Variants in CACNG3 observed in about 807,000 individuals in gnomAD.
The protein encoded by CACNG3 is calcium voltage-gated channel auxiliary subunit gamma 3.
Under a neutral mutation model 28.5 loss-of-function variants are expected in CACNG3, and 3 were observed. The ratio of observed to expected loss-of-function variants is 0.11; its 90% CI spans 0.05 to 0.27. CACNG3 has a LOEUF of 0.27. CACNG3 is among the 10% of genes least tolerant of loss of function. CACNG3 has a pLI of 1.00. For synonymous variants in CACNG3, 174 were observed against 162.2 expected (o/e 1.07, Z -0.55); for missense variants, 236 against 414.4 (o/e 0.57, Z 3.74).
chr16:24,257,826 T>C (rs1898488785), intron 1 of CACNG3, among the ~76,000 whole-genome samples: 1 of 152,186 alleles, frequency 6.6e-6, no homozygotes, highest in Non-Finnish European at 1.5e-5. Context: ...GAAAGAGCAA[T>C]TTAAAAATAT....
intron 1 of CACNG3, among the ~76,000 whole-genome samples, chr16:24,277,685 C>T (rs751814177): frequency 6.7e-6 from 1 of 150,236 alleles, no homozygotes. Context: ...GAGGCTGAGG[C>T]AGGAGAATCG....
intron 1 of CACNG3, among the ~76,000 whole-genome samples, chr16:24,278,022 G>T (rs1401974103): frequency 1.3e-5 from 2 of 152,132 alleles, no homozygotes; most frequent in Non-Finnish European, 2.9e-5. Flanking sequence ...GCTAACTGAT[G>T]ACTTTAAACT....
chr16:24,279,919 T>A (rs1239341637), intron 1 of CACNG3, among the ~76,000 whole-genome samples: 1 of 152,158 alleles, frequency 6.6e-6, no homozygotes, highest in Non-Finnish European at 1.5e-5. Flanking sequence ...AGTGGAGGTG[T>A]TAAAAGGGCC....
At chr16:24,337,767 C>A (rs1282657566) in intron 1 of CACNG3, among the ~76,000 whole-genome samples, 2 of 151,998 alleles carry the variant, frequency 1.3e-5, no homozygotes, top group African/African-American at 4.8e-5. Flanking sequence ...AGAACCAAGT[C>A]AGTTCTTTCA....
chr16:24,337,865 A>G (rs1400328662), intron 1 of CACNG3, among the ~76,000 whole-genome samples: 1 of 141,088 alleles, frequency 7.1e-6, no homozygotes, highest in Non-Finnish European at 1.6e-5. Flanking sequence ...GTGCAACTCA[A>G]CCTCCTAGAT....
intron 1 of CACNG3, among the ~76,000 whole-genome samples, chr16:24,259,532 A>T (rs1199769469): frequency 6.6e-6 from 1 of 152,184 alleles, no homozygotes; most frequent in East Asian, 1.9e-4. Context: ...TCGTAGCTCC[A>T]TTTTCTTAGA....
intron 1 of CACNG3, among the ~76,000 whole-genome samples, 184 bp from the exon 2 acceptor site, chr16:24,346,550 C>T (rs528006373): frequency 4.3e-4 from 66 of 152,284 alleles, no homozygotes; most frequent in African/African-American, 1.6e-3. Context: ...TGCACTCCAG[C>T]CTGGGCCACA....
intron 3 of CACNG3, among the ~76,000 whole-genome samples, chr16:24,360,490 T>C (rs1040044762): frequency 6.6e-6 from 1 of 152,218 alleles, no homozygotes; most frequent in Non-Finnish European, 1.5e-5. Flanking sequence ...AAACAACAGC[T>C]GATCTGAAGC....
chr16:24,256,572 G>T lies in CACNG3; in HGVS notation c.-183G>T, dbSNP rs1433030731. On this transcript the variant is annotated 5_prime_UTR_variant, in exon 1 of 4. Coordinates refer to ENST00000005284, the MANE Select transcript of CACNG3 (RefSeq NM_006539.4). This position sits in a 1 kb window ranked among gnomAD's most constrained non-coding sequence, Gnocchi z 4.6. The stretch of plus-strand genomic sequence containing the variant: ...CTTCCGAGGGCCATAGGCGACCCAG[G>T]GAACTGGAGAGAGCTCCAGAAAGGA... 1 of 601,098 alleles carries T rather than the reference G, an allele frequency of 1.7e-6. No homozygotes were observed. Among genetic ancestry groups the T allele is most frequent in the Non-Finnish European group, 3.0e-6 (1 of 336,932 alleles). The allele number at this position is 601,098 out of a possible 1,614,324, so 37.2% of individuals were successfully genotyped here. A position where few individuals can be genotyped will look rare whatever the true frequency, so the allele number is the denominator to read the frequency against.
chr16:24,351,715 AGGAG>A (rs1462450381), intron 2 of CACNG3, among the ~76,000 whole-genome samples: 1 of 119,538 alleles, frequency 8.4e-6, no homozygotes. Context: ...AAAGAAAGAA[AGGAG>A]GGAGGGAGAG....
chr16:24,256,814 T>C lies in CACNG3; in HGVS notation c.60T>C (p.Ala20=), dbSNP rs1431873407. ...MLITTVGAFA[A]FSLMTIAVGT... is the part of the protein sequence containing the mutation. ...TCACCACTGTAGGAGCCTTTGCCGC[T>C]TTTAGTTTAATGACCATTGCAGTGG... The change falls in exon 1 of 4, where the codon GCT becomes GCC. Residue 20 remains alanine (A), a synonymous_variant. Coordinates refer to ENST00000005284, the MANE Select transcript of CACNG3 (RefSeq NM_006539.4). The surrounding 1 kb of genome is among the most constrained non-coding windows in gnomAD (Gnocchi z 4.6). 6.2e-7 allele frequency: 1 copy of C among 1,613,938 alleles called. No homozygotes were observed. Among genetic ancestry groups the C allele is most frequent in the Admixed American group, 1.7e-5 (1 of 60,028 alleles).
At chr16:24,338,152 C>T (rs962909606) in intron 1 of CACNG3, among the ~76,000 whole-genome samples, 20 of 152,180 alleles carry the variant, frequency 1.3e-4, no homozygotes, top group Middle Eastern at 3.4e-3. Context: ...AGGGTCTTTG[C>T]ATTTCCATTT....
intron 1 of CACNG3, among the ~76,000 whole-genome samples, chr16:24,277,754 TG>T (rs1197166137): frequency 7.5e-6 from 1 of 133,408 alleles, no homozygotes; most frequent in African/African-American, 2.9e-5. Context: ...CACTCCAGTC[TG>T]GGTGACAGAG....
intron 1 of CACNG3, among the ~76,000 whole-genome samples, chr16:24,326,889 C>T (rs527830791): frequency 4.4e-4 from 67 of 152,186 alleles, no homozygotes; most frequent in African/African-American, 1.5e-3. Context: ...CAGAGAAACA[C>T]GCCATGATCT....
chr16:24,280,924 T>C (rs1898818761), intron 1 of CACNG3, among the ~76,000 whole-genome samples: 1 of 151,410 alleles, frequency 6.6e-6, no homozygotes, highest in Admixed American at 6.6e-5. Flanking sequence ...TTGTATAACC[T>C]AGAATTCATT....
At chr16:24,312,919 G>GAAA (rs1220642077) in intron 1 of CACNG3, among the ~76,000 whole-genome samples, 306 of 69,398 alleles carry the variant, frequency 4.4e-3, no homozygotes, top group African/African-American at 0.016. Context: ...AAGGAAGGAA[G>GAAA]GAAGAAAGAA....
At chr16:24,322,509 G>T (rs1899478537) in intron 1 of CACNG3, among the ~76,000 whole-genome samples, 1 of 151,928 alleles carries the variant, frequency 6.6e-6, no homozygotes, top group African/African-American at 2.4e-5. Context: ...GCCAGGCAGT[G>T]CTTAGCTAAA....
intron 1 of CACNG3, among the ~76,000 whole-genome samples, chr16:24,283,750 G>T (rs1216102759): frequency 6.6e-6 from 1 of 152,164 alleles, no homozygotes; most frequent in Non-Finnish European, 1.5e-5. Flanking sequence ...CTCATGAACA[G>T]TGTTTCTCAA....
chr16:24,324,216 T>A (rs1899505002), intron 1 of CACNG3, among the ~76,000 whole-genome samples: 1 of 152,232 alleles, frequency 6.6e-6, no homozygotes, highest in African/African-American at 2.4e-5. Context: ...CAGCAAGTGG[T>A]GGATCTGGGA....
Sources: allele counts gnomAD v4.1 joint callset (sites outside exome capture counted in the v4.1 genomes callset), GRCh38; gene constraint gnomAD v4.1.1; non-coding constraint Gnocchi (gnomAD v3.1); transcripts MANE v1.5; gene names NCBI Gene and HGNC (gene_info 2026-07-23, HGNC 2026-07-21).